EP300: variants seen among roughly 807,000 people sequenced by gnomAD.
EP300 encodes EP300 lysine acetyltransferase.
EP300 carries 31 observed loss-of-function variants against 264.0 expected under a neutral mutation model. That is an observed-to-expected ratio of 0.12 (90% confidence interval 0.09 to 0.16). EP300 has a LOEUF of 0.16. Among genes scored for constraint, EP300 ranks in the 10% least tolerant of loss-of-function variants. The probability of loss-of-function intolerance (pLI) is 1.00; values close to 1 mark genes in which losing one functional copy is unlikely to be tolerated. For missense variants in EP300, 2,766 were observed against 3,052.9 expected (o/e 0.91, Z 2.21); for synonymous variants, 1,340 against 1,045.4 (o/e 1.28, Z -5.44).
At chr22:41,097,633 C>G (rs1374552192) in intron 1 of EP300, among the ~76,000 whole-genome samples, 1 of 152,070 alleles carries the variant, frequency 6.6e-6, no homozygotes, top group East Asian at 1.9e-4. Context: ...AATTCATATA[C>G]CCAGCAATTA....
At chr22:41,139,040 G>A (rs966965327) in intron 8 of EP300, among the ~76,000 whole-genome samples, 24 of 151,954 alleles carry the variant, frequency 1.6e-4, no homozygotes, top group African/African-American at 5.3e-4. Context: ...GCAACCTCCC[G>A]TCTCCTGGGT....
At position 41,170,410 on chromosome 22, in the gene EP300, A is replaced by C. The variant is rs2059162773; in HGVS notation, c.4291A>C (p.Thr1431Pro). 6.2e-7 allele frequency: 1 copy of C among 1,613,386 alleles called. No individual in the cohort carries two copies. The highest frequency in any genetic ancestry group is 1.1e-5 in the South Asian group (1 of 91,072). ...TCTTTCTCTTTGTATTGTTAGTTAC[A>C]CAACAGGGCATATTTGGGCATGTCC... ...YLEYVKKLGY[T>P]TGHIWACPPS... is the part of the protein sequence containing the mutation. The change falls in exon 27 of 31, where the codon ACA becomes CCA. Residue 1431 changes from threonine to proline, a missense_variant. Physicochemically the swap from Thr to Pro is conservative, Grantham distance 38. Coordinates refer to ENST00000263253, the MANE Select transcript of EP300 (RefSeq NM_001429.4).
chr22:41,172,976 C>T (rs1424102072), intron 28 of EP300, among the ~76,000 whole-genome samples: 1 of 152,126 alleles, frequency 6.6e-6, no homozygotes, highest in African/African-American at 2.4e-5. Flanking sequence ...ATATTATAGG[C>T]CTTGTGGGTC....
Position 41,178,480 on chromosome 22 carries a change from C to G in EP300, c.6769C>G (p.Leu2257Val). The G allele has an allele frequency of 6.2e-7, 1 of 1,614,096 alleles. No homozygotes were observed. The highest frequency in any genetic ancestry group is 1.3e-5 in the African/African-American group (1 of 74,986). ...QALGAEAGAS[L>V]QAYQQRLLQQ... is the part of the protein sequence containing the mutation. ...CTTGGGAGCAGAGGCAGGTGCCAGT[C>G]TACAGGCCTATCAGCAGCGACTCCT... The change falls in exon 31 of 31, where the codon CTA (leucine) becomes GTA (valine). Residue 2257 changes from leucine (L) to valine (V), a missense_variant. Leu to Val is a conservative substitution (Grantham distance 32, BLOSUM62 1). Transcript: ENST00000263253.
At position 41,135,770 on chromosome 22, in the gene EP300, T is replaced by A. The variant is rs748667848; in HGVS notation, c.1529-43T>A. The A allele has an allele frequency of 2.2e-6, 3 of 1,361,926 alleles. No homozygotes were observed. In the East Asian group the frequency reaches 6.9e-5, roughly 31 times the overall value. 84.4% of individuals were successfully genotyped at this position (1,361,926 alleles called of 1,614,324 possible). A position where few individuals can be genotyped will look rare whatever the true frequency, so the allele number is the denominator to read the frequency against. ...TTTATAGTATTTATTGTATGGTGGC[T>A]GTTGTATTTATTTCTGTCTCCTGTT... On this transcript the variant is annotated intron_variant, in intron 6 of 30. Transcript: ENST00000263253.
At chr22:41,128,975 C>T (rs2058899665) in intron 4 of EP300, among the ~76,000 whole-genome samples, 1 of 151,970 alleles carries the variant, frequency 6.6e-6, no homozygotes, top group Admixed American at 6.6e-5. Context: ...TTTGAGACTC[C>T]TTTACTGATA....
intron 15 of EP300, 49 bp downstream of exon 15, chr22:41,152,061 G>T: frequency 1.2e-6 from 2 of 1,608,892 alleles, no homozygotes; most frequent in South Asian, 1.1e-5. Flanking sequence ...CTCAGTATAG[G>T]AACCCAAGTT....
In EP300 at chr22:41,101,332, A is replaced by C. The variant is rs767070182; in HGVS notation, c.94+8234A>C. ...TCAGTCTGCCCACCTCGGCCTCCCA[A>C]AGTGCTGGTATTAGAGGCGAGAGCC... On this transcript the variant is annotated intron_variant, in intron 1 of 30. Transcript: ENST00000263253. 2.0e-4 allele frequency among the ~76,000 whole-genome samples: 31 copies of C among 151,988 alleles called. 1 individual carries two copies. Among genetic ancestry groups the C allele is most frequent in the Non-Finnish European group, 4.3e-4 (29 of 67,990 alleles).
chr22:41,092,863 GA>G lies in EP300; in HGVS notation c.-137del. 3 of 896,724 alleles carry G rather than the reference GA, an allele frequency of 3.3e-6. No homozygotes were observed. Among genetic ancestry groups the G allele is most frequent in the Admixed American group, 1.8e-5 (1 of 55,752 alleles). The allele number at this position is 896,724 out of a possible 1,614,324, so 55.5% of individuals were successfully genotyped here. On this transcript the variant is annotated 5_prime_UTR_variant, in exon 1 of 31. Coordinates refer to ENST00000263253, the MANE Select transcript of EP300 (RefSeq NM_001429.4). ...TCCAGCCACTGCGACCCGGCGAAGA[GA>G]AAAAGGAACTTCCCCCACCCCCTCG...
intron 22 of EP300, among the ~76,000 whole-genome samples, chr22:41,165,257 T>TA (rs543131814): frequency 4.6e-5 from 7 of 152,206 alleles, no homozygotes; most frequent in Non-Finnish European, 1.0e-4. Flanking sequence ...AATAATCTGT[T>TA]ATTACTGTGT....
chr22:41,167,588 A>ATATATATATG (rs2059144293), intron 23 of EP300, among the ~76,000 whole-genome samples: 1 of 6,066 alleles, frequency 1.6e-4, no homozygotes, highest in Non-Finnish European at 3.7e-4. Context: ...GTGTGTGTAT[A>ATATATATATG]TATATATATA....
intron 21 of EP300, 77 bp downstream of exon 21, chr22:41,162,856 C>A: frequency 1.7e-6 from 2 of 1,199,248 alleles, no homozygotes; most frequent in Non-Finnish European, 2.5e-6. Flanking sequence ...GTTTGCATGA[C>A]CAATCAGATG....
At chr22:41,156,154 C>T (rs1432413306) in intron 17 of EP300, among the ~76,000 whole-genome samples, 2 of 152,194 alleles carry the variant, frequency 1.3e-5, no homozygotes, top group East Asian at 1.9e-4. Flanking sequence ...GCTGGGATTA[C>T]AGGCATGTGC....
At chr22:41,129,303 G>A (rs765140961) in intron 4 of EP300, among the ~76,000 whole-genome samples, 4 of 152,136 alleles carry the variant, frequency 2.6e-5, no homozygotes, top group Non-Finnish European at 2.9e-5. Flanking sequence ...GAGCCACCGC[G>A]CCCGGCCAAA....
chr22:41,155,033 A>G lies in EP300; in HGVS notation c.3181A>G (p.Thr1061Ala), dbSNP rs1220712414. ...AGAACTACGACAGGCACTGATGCCA[A>G]CTTTGGAGGCACTTTACCGTCAGGA... ...PEELRQALMP[T>A]LEALYRQDPE... is the part of the protein sequence containing the mutation. The change falls in exon 17 of 31, where the codon ACT becomes GCT. Residue 1061 changes from threonine to alanine, a missense_variant. Thr to Ala is a moderately conservative substitution (Grantham distance 58). Transcript: ENST00000263253. 3 of 1,614,088 alleles carry G rather than the reference A, an allele frequency of 1.9e-6. No individual in the cohort carries two copies. Among genetic ancestry groups the G allele is most frequent in the South Asian group, 1.1e-5 (1 of 91,082 alleles).
rs2059234204 is a variant in EP300, at chr22:41,179,966, A to AAATC, written c.*1012_*1015dup. ...AATAGCAAAAACCCTCAACTGTTGT[A>AAATC]AATCATGCAATTAAAGTTGATTACT... is the stretch of plus-strand genomic sequence containing the variant. On this transcript the variant is annotated 3_prime_UTR_variant, in exon 31 of 31. Coordinates refer to ENST00000263253, the MANE Select transcript of EP300 (RefSeq NM_001429.4). 2 of 229,834 alleles carry AAATC rather than the reference A, an allele frequency of 8.7e-6. No individual in the cohort carries two copies. Among genetic ancestry groups the AAATC allele is most frequent in the Non-Finnish European group, 1.7e-5 (2 of 116,012 alleles). The allele number at this position is 229,834 out of a possible 1,614,324, so 14.2% of individuals were successfully genotyped here. A position where few individuals can be genotyped will look rare whatever the true frequency, so the allele number is the denominator to read the frequency against.
At chr22:41,135,970 G>T in intron 7 of EP300, 64 bp downstream of exon 7, 2 of 1,271,690 alleles carry the variant, frequency 1.6e-6, no homozygotes, top group South Asian at 1.2e-5. Flanking sequence ...ACAATTCATT[G>T]TTTGACTTTT....
At chr22:41,138,896 T>G (rs1360196340) in intron 8 of EP300, among the ~76,000 whole-genome samples, 1 of 152,204 alleles carries the variant, frequency 6.6e-6, no homozygotes, top group Non-Finnish European at 1.5e-5. Flanking sequence ...TAGGAATTTT[T>G]TTTTCCTCCC....
chr22:41,126,729 C>CT (rs71328775), intron 3 of EP300, among the ~76,000 whole-genome samples: 5,196 of 48,598 alleles, frequency 0.11, 1,317 homozygotes, highest in Admixed American at 0.15. Flanking sequence ...GAAATGTTCA[C>CT]TTTTTTTTTT....
Sources: allele counts gnomAD v4.1 joint callset (sites outside exome capture counted in the v4.1 genomes callset), GRCh38; gene constraint gnomAD v4.1.1; transcripts MANE v1.5; gene names NCBI Gene and HGNC (gene_info 2026-07-23, HGNC 2026-07-21).